The following PRKN variants were observed in gnomAD, a reference collection of about 807,000 sequenced individuals.
PRKN encodes E3 ubiquitin-protein ligase parkin.
PRKN carries 56 observed loss-of-function variants against 59.5 expected under a neutral mutation model. The observed-to-expected ratio is 0.94, with a 90% CI of 0.76 to 1.18. PRKN has a LOEUF of 1.18. Ranked by LOEUF, PRKN falls within the 50% of genes most tolerant of loss-of-function variation. The probability of loss-of-function intolerance (pLI) is 0.00; values close to 1 mark genes in which losing one functional copy is unlikely to be tolerated. For synonymous variants in PRKN, 250 were observed against 222.1 expected, an observed-to-expected ratio of 1.13 and a Z score of -1.12; for missense variants, 657 against 596.4, an observed-to-expected ratio of 1.10 and a Z score of -1.06.
chr6:161,621,776 A>G (rs1469459310), intron 7 of PRKN, among the ~76,000 whole-genome samples: 1 of 152,170 alleles, frequency 6.6e-6, no homozygotes, highest in African/African-American at 2.4e-5. Context: ...GATCTAGTTA[A>G]CCTTGCTGGT....
chr6:162,315,739 G>C (rs976264279), intron 2 of PRKN, among the ~76,000 whole-genome samples: 5 of 152,020 alleles, frequency 3.3e-5, no homozygotes, highest in African/African-American at 1.2e-4. Context: ...AAAATAGAAG[G>C]GGCAGGATAA....
At chr6:161,853,564 TGTG>T (rs1282195840) in intron 6 of PRKN, among the ~76,000 whole-genome samples, 1 of 152,246 alleles carries the variant, frequency 6.6e-6, no homozygotes, top group Non-Finnish European at 1.5e-5. Context: ...AAACTGAAAT[TGTG>T]GTATGCAACA....
At chr6:162,179,271 C>T (rs574929792) in intron 4 of PRKN, among the ~76,000 whole-genome samples, 10 of 152,178 alleles carry the variant, frequency 6.6e-5, no homozygotes, top group Non-Finnish European at 1.3e-4. Context: ...CTCTGCTGGC[C>T]GAATTTCTTA....
At chr6:161,874,709 A>G (rs1262530152) in intron 6 of PRKN, among the ~76,000 whole-genome samples, 1 of 121,664 alleles carries the variant, frequency 8.2e-6, no homozygotes, top group Non-Finnish European at 1.6e-5. Context: ...TATATAATAT[A>G]TAAAATGTAC....
intron 6 of PRKN, among the ~76,000 whole-genome samples, chr6:161,907,421 C>A (rs145681113): frequency 6.6e-6 from 1 of 152,184 alleles, no homozygotes; most frequent in African/African-American, 2.4e-5. Context: ...ATTTCCGCAA[C>A]ATAACCACAC....
chr6:161,900,533 T>C (rs1777852831), intron 6 of PRKN, among the ~76,000 whole-genome samples: 1 of 88,938 alleles, frequency 1.1e-5, no homozygotes, highest in Non-Finnish European at 2.2e-5. Context: ...ATATCTTTTA[T>C]ATATATTATA....
At chr6:162,182,382 G>T (rs895810464) in intron 4 of PRKN, among the ~76,000 whole-genome samples, 3 of 152,166 alleles carry the variant, frequency 2.0e-5, no homozygotes. Context: ...TATATTACAC[G>T]TAGAAGCGTC....
chr6:162,580,842 C>G (rs35818596), intron 1 of PRKN, among the ~76,000 whole-genome samples: 15,584 of 152,186 alleles, frequency 0.1, 944 homozygotes, highest in Middle Eastern at 0.19. Context: ...GAATCCTGAG[C>G]GCTTGCTGAG....
chr6:161,987,001 G>C (rs999123007), intron 5 of PRKN, among the ~76,000 whole-genome samples: 1 of 151,930 alleles, frequency 6.6e-6, no homozygotes, highest in Admixed American at 6.6e-5. Context: ...AACTTTTTTC[G>C]TTCAAAAGTC....
intron 3 of PRKN, among the ~76,000 whole-genome samples, chr6:162,222,828 T>C (rs1777993070): frequency 6.6e-6 from 1 of 152,128 alleles, no homozygotes; most frequent in Non-Finnish European, 1.5e-5. Context: ...TTCACCTCAC[T>C]GTTAGTTTTC....
At chr6:162,469,746 G>C (rs1195536938) in intron 1 of PRKN, among the ~76,000 whole-genome samples, 1 of 151,948 alleles carries the variant, frequency 6.6e-6, no homozygotes, top group African/African-American at 2.4e-5. Flanking sequence ...ATGGGAAGGG[G>C]GTGAGGGATA....
chr6:161,814,527 A>G (rs1791688982), intron 6 of PRKN, among the ~76,000 whole-genome samples: 1 of 151,768 alleles, frequency 6.6e-6, no homozygotes, highest in Non-Finnish European at 1.5e-5. Context: ...TTTGAGATGG[A>G]GTTTCACTCT....
At chr6:162,585,709 T>C (rs1236532209) in intron 1 of PRKN, among the ~76,000 whole-genome samples, 1 of 152,042 alleles carries the variant, frequency 6.6e-6, no homozygotes, top group Non-Finnish European at 1.5e-5. Flanking sequence ...TTATTATTAA[T>C]TTATTTATTT....
chr6:161,645,889 A>C (rs964666800), intron 7 of PRKN, among the ~76,000 whole-genome samples: 2 of 152,190 alleles, frequency 1.3e-5, no homozygotes, highest in Non-Finnish European at 2.9e-5. Flanking sequence ...ATGCCAGCGC[A>C]GGTGGCGGAG....
Position 162,354,554 on chromosome 6 carries a change from T to A in PRKN, c.171+88756A>T, listed in dbSNP as rs535047086. Among the ~76,000 whole-genome samples the A allele has an allele frequency of 6.6e-5, 10 of 152,182 alleles. No homozygotes were observed. The South Asian group carries it at 1.7e-3, about 25-fold the overall frequency. On this transcript the variant is annotated intron_variant, in intron 2 of 11. Coordinates refer to ENST00000366898, the MANE Select transcript of PRKN (RefSeq NM_004562.3). ...ATATGAAGTATGCATAAAAATAAGA[T>A]GGCATTTCCACCTCTAATTAGCAGC...
chr6:162,488,710 C>T lies in PRKN; in HGVS notation c.8-45237G>A, dbSNP rs1399075130. ...TAGGGCTGCTTGTGTGAGAACAGCA[C>T]GAGCAGGCCCACATGGTGTTGGAAA... On this transcript the variant is annotated intron_variant, in intron 1 of 11. Transcript: ENST00000366898. 3.3e-5 allele frequency among the ~76,000 whole-genome samples: 5 copies of T among 152,216 alleles called. No individual in the cohort carries two copies. In the South Asian group the frequency reaches 6.2e-4, roughly 19 times the overall value.
At chr6:162,172,541 T>A (rs960545419) in intron 4 of PRKN, among the ~76,000 whole-genome samples, 2 of 152,206 alleles carry the variant, frequency 1.3e-5, no homozygotes, top group African/African-American at 4.8e-5. Context: ...ACTAGTCAAG[T>A]GATTACTTTC....
At chr6:161,683,491 C>A (rs181305792) in intron 7 of PRKN, among the ~76,000 whole-genome samples, 7 of 152,214 alleles carry the variant, frequency 4.6e-5, no homozygotes, top group Admixed American at 1.3e-4. Flanking sequence ...ACCATTGCCT[C>A]TTTCTCTCAA....
chr6:162,640,224 C>T (rs549788968), intron 1 of PRKN, among the ~76,000 whole-genome samples: 116 of 152,206 alleles, frequency 7.6e-4, no homozygotes, highest in African/African-American at 2.7e-3. Context: ...CAACTAAGAA[C>T]TTGCTCTTTA....
Sources: allele counts gnomAD v4.1 joint callset (sites outside exome capture counted in the v4.1 genomes callset), GRCh38; gene constraint gnomAD v4.1.1; transcripts MANE v1.5; gene names NCBI Gene and HGNC (gene_info 2026-07-23, HGNC 2026-07-21).